NIBAN3: variants seen among roughly 807,000 people sequenced by gnomAD.
NIBAN3 encodes niban apoptosis regulator 3.
A neutral mutation model predicts 76.4 loss-of-function variants in NIBAN3; 66 were observed. The ratio of observed to expected loss-of-function variants is 0.86; its 90% CI spans 0.71 to 1.06. The LOEUF is 1.06. NIBAN3 is among the 50% of genes least tolerant of loss of function. The probability of loss-of-function intolerance (pLI) is 0.00; values close to 1 mark genes in which losing one functional copy is unlikely to be tolerated. For synonymous variants in NIBAN3, 360 were observed against 355.2 expected (o/e 1.01, Z -0.15); for missense variants, 808 against 810.7 (o/e 1.00, Z 0.04).
chr19:17,528,073 G>T (rs971440317), intron 1 of NIBAN3, among the ~76,000 whole-genome samples: 14 of 147,924 alleles, frequency 9.5e-5, no homozygotes, highest in Non-Finnish European at 1.5e-4. Context: ...CCCCTTTATG[G>T]TTTTTTTTTT....
At chr19:17,551,444 G>A (rs1451455078) in intron 14 of NIBAN3, among the ~76,000 whole-genome samples, 10 of 149,872 alleles carry the variant, frequency 6.7e-5, no homozygotes, top group Non-Finnish European at 1.3e-4. Flanking sequence ...TTTCGCTCTT[G>A]TCACCCGGGC....
At chr19:17,545,089 G>A (rs987023133) in intron 12 of NIBAN3, 4 of 152,150 alleles carry the variant, frequency 2.6e-5, no homozygotes, top group African/African-American at 9.7e-5. Flanking sequence ...CTTGAGCCTG[G>A]GAGGTCAAGG....
chr19:17,543,208 G>A lies in NIBAN3; in HGVS notation c.1330-109G>A. Reference sequence around the variant, plus strand: ...ACAAGGAGGAGGAGGTTGGGCAGAGGTGGCTGGTTGGAACAGGTTGGATGC... The same window carrying A: ...ACAAGGAGGAGGAGGTTGGGCAGAGATGGCTGGTTGGAACAGGTTGGATGC... On this transcript the variant is annotated intron_variant, in intron 10 of 14. Coordinates refer to ENST00000599164, the MANE Select transcript of NIBAN3 (RefSeq NM_001321827.2). 3 of 691,276 alleles carry A rather than the reference G, an allele frequency of 4.3e-6. No homozygotes were observed. In the South Asian group the frequency reaches 5.6e-5, roughly 13 times the overall value. The allele number at this position is 691,276 out of a possible 1,614,324, so 42.8% of individuals were successfully genotyped here.
upstream of NIBAN3, chr19:17,523,362 C>A: frequency 7.1e-7 from 1 of 1,402,786 alleles, no homozygotes; most frequent in Non-Finnish European, 9.7e-7. Context: ...GAGAGTGGAG[C>A]CGAAACCACA....
chr19:17,538,641 A>G (rs2075869834), intron 5 of NIBAN3, among the ~76,000 whole-genome samples: 1 of 151,836 alleles, frequency 6.6e-6, no homozygotes, highest in African/African-American at 2.4e-5. Flanking sequence ...AAAAGAAAAG[A>G]AAAGAGGAGA....
intron 8 of NIBAN3, 72 bp downstream of exon 8, chr19:17,539,837 C>A (rs1057054305): frequency 8.3e-7 from 1 of 1,207,278 alleles, no homozygotes; most frequent in East Asian, 2.8e-5. Flanking sequence ...GTGACCTAAG[C>A]GAAGAATGGG....
chr19:17,530,757 C>A lies in NIBAN3; in HGVS notation c.58C>A (p.Gln20Lys), dbSNP rs145037648. ...DKQQRQHLRG[Q>K]VDTLLRNFLP... ...TCACTGTCCCCTTGTCCCTGCAGGT[C>A]AGGTGGACACCCTGCTGAGGAACTT... is the stretch of plus-strand genomic sequence containing the variant. The change falls in exon 2 of 15, where the codon CAG becomes AAG. Residue 20 changes from glutamine (Q) to lysine (K), a missense_variant and splice_region_variant. Coordinates refer to ENST00000599164, the MANE Select transcript of NIBAN3 (RefSeq NM_001321827.2). 7 of 1,607,578 alleles carry A rather than the reference C, an allele frequency of 4.4e-6. No individual in the cohort carries two copies. The African/African-American group carries it at 8.0e-5, about 18-fold the overall frequency.
At chr19:17,545,986 C>T in intron 12 of NIBAN3, 1 of 440,932 alleles carries the variant, frequency 2.3e-6, no homozygotes, top group Non-Finnish European at 4.6e-6. Context: ...TTCGCTACCG[C>T]TAGACCACGG....
chr19:17,538,488 T>G (rs976973131), intron 5 of NIBAN3, among the ~76,000 whole-genome samples: 1 of 148,796 alleles, frequency 6.7e-6, no homozygotes, highest in East Asian at 2.0e-4. Flanking sequence ...AGTGGCGTGG[T>G]GGCATGAGCT....
intron 12 of NIBAN3, 65 bp from the exon 13 acceptor site, chr19:17,546,621 C>T: frequency 7.0e-7 from 1 of 1,424,788 alleles, no homozygotes; most frequent in South Asian, 1.5e-5. Context: ...GGGCAGAAGC[C>T]TGTGTTGTAG....
chr19:17,539,806 C>A (rs2075906625), intron 8 of NIBAN3, 41 bp downstream of exon 8: 1 of 1,430,002 alleles, frequency 7.0e-7, no homozygotes, highest in East Asian at 2.6e-5. Flanking sequence ...AGGGGCGAGG[C>A]GATGCTGGGG....
chr19:17,532,442 G>C, intron 3 of NIBAN3, 54 bp downstream of exon 3: 1 of 1,613,268 alleles, frequency 6.2e-7, no homozygotes, highest in Non-Finnish European at 8.5e-7. Flanking sequence ...TCCCACCCCC[G>C]TCAGCCTCAA....
Position 17,538,954 on chromosome 19 carries a change from G to A in NIBAN3, c.596-196G>A, listed in dbSNP as rs75841287. Among the ~76,000 whole-genome samples, 740 of 152,354 alleles carry A rather than the reference G, an allele frequency of 4.9e-3. 4 individuals are homozygous for A. Among genetic ancestry groups the A allele is most frequent in the African/African-American group, 0.017 (698 of 41,590 alleles). ...TCACGGGGCTGTGGCTGCCAGTAGAGGGTTCCTTCTAAGTTGAATAAACAT... is the reference window on the plus strand; with the variant it reads ...TCACGGGGCTGTGGCTGCCAGTAGAAGGTTCCTTCTAAGTTGAATAAACAT... On this transcript the variant is annotated intron_variant, in intron 5 of 14. Transcript: ENST00000599164.
At position 17,553,544 on chromosome 19, in the gene NIBAN3, G is replaced by C. The variant is rs777534047; in HGVS notation, c.*1646G>C. The C allele has an allele frequency of 1.2e-6, 2 of 1,613,972 alleles. No homozygotes were observed. The highest frequency in any genetic ancestry group is 1.7e-6 in the Non-Finnish European group (2 of 1,179,972). Reference sequence around the variant, plus strand: ...TCCTCCCATTCTGTCTGGAGTTTTCGGCCTACCCCAAGACAATGAGATATT... The same window carrying C: ...TCCTCCCATTCTGTCTGGAGTTTTCCGCCTACCCCAAGACAATGAGATATT... On this transcript the variant is annotated 3_prime_UTR_variant, in exon 15 of 15. Coordinates refer to ENST00000599164, the MANE Select transcript of NIBAN3 (RefSeq NM_001321827.2).
chr19:17,553,999 T>C (rs2076193842), downstream of NIBAN3, among the ~76,000 whole-genome samples: 1 of 151,730 alleles, frequency 6.6e-6, no homozygotes, highest in East Asian at 1.9e-4. Flanking sequence ...GCCTCCGTAG[T>C]AGCTGGGATT....
chr19:17,549,357 A>G, intron 13 of NIBAN3, 87 bp from the exon 14 acceptor site: 1 of 913,042 alleles, frequency 1.1e-6, no homozygotes, highest in Non-Finnish European at 1.7e-6. Context: ...TCTGCTTGAG[A>G]CATTTGTAGT....
At chr19:17,554,382 A>C (rs757419523), downstream of NIBAN3, among the ~76,000 whole-genome samples, 137 of 152,126 alleles carry the variant, frequency 9.0e-4, no homozygotes, top group Non-Finnish European at 1.6e-3. Context: ...TGGGAGGCTG[A>C]GGCAGGAGGA....
At position 17,537,431 on chromosome 19, in the gene NIBAN3, G is replaced by A. The variant is rs770972733; in HGVS notation, c.483G>A (p.Pro161=). 5.1e-5 allele frequency: 82 copies of A among 1,613,884 alleles called. No homozygotes were observed. The highest frequency in any genetic ancestry group is 6.2e-5 in the Non-Finnish European group (73 of 1,179,992). The change falls in exon 5 of 15, where the codon CCG becomes CCA. Residue 161 remains proline (P), a synonymous_variant. Coordinates refer to ENST00000599164, the MANE Select transcript of NIBAN3 (RefSeq NM_001321827.2). The part of the protein sequence containing the change: ...DSLLEVPVSF[P]LFLQHPFRRH... The stretch of plus-strand genomic sequence containing the variant: ...TCTTGGAAGTGCCTGTGAGCTTCCC[G>A]CTGTTCCTGCAGCACCCCTTCCGCC...
rs1490683971 is a variant in NIBAN3 at position 17,553,459 on chromosome 19, G to C, written c.*1561G>C. Reference sequence around the variant, plus strand: ...CTGCTTCCGGAGTGGGTTCCACAGGGATTCCCGTGTGTTCTTGGTTCAGCT... The same window carrying C: ...CTGCTTCCGGAGTGGGTTCCACAGGCATTCCCGTGTGTTCTTGGTTCAGCT... On this transcript the variant is annotated 3_prime_UTR_variant, in exon 15 of 15. Coordinates refer to ENST00000599164, the MANE Select transcript of NIBAN3 (RefSeq NM_001321827.2). 1 of 1,614,174 alleles carries C rather than the reference G, an allele frequency of 6.2e-7. No individual in the cohort carries two copies. Among genetic ancestry groups the C allele is most frequent in the Admixed American group, 1.7e-5 (1 of 60,012 alleles).
Sources: allele counts gnomAD v4.1 joint callset (sites outside exome capture counted in the v4.1 genomes callset), GRCh38; gene constraint gnomAD v4.1.1; transcripts MANE v1.5; gene names NCBI Gene and HGNC (gene_info 2026-07-23, HGNC 2026-07-21).